Variants in CDC23 observed in about 807,000 individuals in gnomAD.
The protein encoded by CDC23 is cell division cycle protein 23 homolog.
In CDC23, 26 loss-of-function variants were observed where a neutral mutation model predicts 81.7. That is an observed-to-expected ratio of 0.32 (90% CI 0.23 to 0.44). CDC23 has a LOEUF of 0.44. CDC23 is among the 20% of genes least tolerant of loss of function. CDC23 has a pLI of 1.00. For synonymous variants in CDC23, 267 were observed against 270.8 expected, an observed-to-expected ratio of 0.99 and a Z score of 0.14; for missense variants, 519 against 728.0, an observed-to-expected ratio of 0.71 and a Z score of 3.30.
chr5:138,213,323 C>G lies in CDC23; in HGVS notation c.-11G>C, dbSNP rs767731996. ...GGTACTCGCAGCCATTTTCCCGACT[C>G]GGGCCACTCCAGCCAATCATCGGCG... On this transcript the variant is annotated 5_prime_UTR_variant, in exon 1 of 16. Coordinates refer to ENST00000394886, the MANE Select transcript of CDC23 (RefSeq NM_004661.4). 4.3e-6 allele frequency: 7 copies of G among 1,612,404 alleles called. No individual in the cohort carries two copies. The highest frequency in any genetic ancestry group is 5.1e-6 in the Non-Finnish European group (6 of 1,179,048).
chr5:138,203,749 T>C (rs1372981590), intron 3 of CDC23, among the ~76,000 whole-genome samples: 2 of 151,700 alleles, frequency 1.3e-5, no homozygotes, highest in Non-Finnish European at 2.9e-5. Context: ...CCGTCCCTAC[T>C]AAAAAATACA....
intron 15 of CDC23, 92 bp from the exon 16 acceptor site, chr5:138,189,240 C>A: frequency 1.7e-6 from 2 of 1,203,194 alleles, no homozygotes; most frequent in Non-Finnish European, 2.4e-6. Flanking sequence ...TTCCACAGAT[C>A]AAGGAGGCGG....
At chr5:138,204,617 ACT>A in intron 3 of CDC23, among the ~76,000 whole-genome samples, 1 of 131,974 alleles carries the variant, frequency 7.6e-6, no homozygotes, top group Middle Eastern at 3.7e-3. Flanking sequence ...AAACATTCAG[ACT>A]CTCTTTTTTC....
At position 138,188,497 on chromosome 5, in the gene CDC23, T is replaced by C. The variant is rs1303209693; in HGVS notation, c.*481A>G. 6.5e-6 allele frequency: 1 copy of C among 152,780 alleles called. No homozygotes were observed. Among genetic ancestry groups the C allele is most frequent in the East Asian group, 1.9e-4 (1 of 5,210 alleles). The allele number at this position is 152,780 out of a possible 1,614,324, so 9.5% of individuals were successfully genotyped here. The stretch of plus-strand genomic sequence containing the variant: ...TTAAACCTAATCTCTGACATCAGAA[T>C]AGGGATCATGCTCAGCAAATCCAAG... On this transcript the variant is annotated 3_prime_UTR_variant, in exon 16 of 16. Transcript: ENST00000394886.
At chr5:138,212,457 T>C (rs887094982) in intron 2 of CDC23, among the ~76,000 whole-genome samples, 1 of 152,170 alleles carries the variant, frequency 6.6e-6, no homozygotes, top group African/African-American at 2.4e-5. Flanking sequence ...TAACTGGGAT[T>C]ACAGGCGCGC....
Position 138,197,498 on chromosome 5 carries a change from T to TA in CDC23, c.1012+700_1012+701insT, listed in dbSNP as rs200383938. Reference sequence around the variant, plus strand: ...ACGTAACATGTAATACATATTTATTTTTTTTTTTTTTTTTTTGAGACGGAG... The same window carrying TA: ...ACGTAACATGTAATACATATTTATTTATTTTTTTTTTTTTTTTGAGACGGAG... On this transcript the variant is annotated intron_variant, in intron 9 of 15. Transcript: ENST00000394886. 4.2e-3 allele frequency among the ~76,000 whole-genome samples: 601 copies of TA among 144,624 alleles called. 12 individuals are homozygous for TA. The highest frequency in any genetic ancestry group is 6.8e-3 in the East Asian group (34 of 5,026). 94.9% of individuals were successfully genotyped at this position (144,624 alleles called of 152,430 possible).
intron 9 of CDC23, among the ~76,000 whole-genome samples, chr5:138,195,584 A>G (rs1430373377): frequency 5.1e-5 from 3 of 58,558 alleles, no homozygotes; most frequent in African/African-American, 1.3e-4. Context: ...ATAATATATT[A>G]TATATAATAT....
At chr5:138,210,823 T>C (rs1755104707) in intron 2 of CDC23, among the ~76,000 whole-genome samples, 1 of 152,222 alleles carries the variant, frequency 6.6e-6, no homozygotes, top group East Asian at 1.9e-4. Context: ...GAGAGGGTGA[T>C]ATTTACTGAG....
chr5:138,190,948 A>G lies in CDC23; in HGVS notation c.1424+526T>C, dbSNP rs182240271. ...GACAGGAACCTCTTTACATTTAAGA[A>G]CCTCTTTGCCTACTATTTGAGTTAT... On this transcript the variant is annotated intron_variant, in intron 13 of 15. Coordinates refer to ENST00000394886, the MANE Select transcript of CDC23 (RefSeq NM_004661.4). Among the ~76,000 whole-genome samples the G allele has an allele frequency of 2.8e-3, 432 of 152,158 alleles. 1 individual carries two copies. The highest frequency in any genetic ancestry group is 4.8e-3 in the Non-Finnish European group (329 of 67,974).
At position 138,191,906 on chromosome 5, in the gene CDC23, C is replaced by T; in HGVS notation, c.1318G>A (p.Gly440Arg). 6.2e-7 allele frequency: 1 copy of T among 1,614,134 alleles called. No homozygotes were observed. The change falls in exon 12 of 16, where the codon GGA becomes AGA. Residue 440 changes from glycine (G) to arginine (R), a missense_variant. Physicochemically the swap from Gly to Arg is moderately radical, Grantham distance 125. Transcript: ENST00000394886. ...PNDSRMLVAL[G>R]ECYEKLNQLV... ...TGATTGAGTTTCTCGTAACATTCTC[C>T]TAAAGCAACCAGCATGCGAGAATCA...
rs17228533 is a variant in CDC23, at chr5:138,191,207, C to T, written c.1424+267G>A. Among the ~76,000 whole-genome samples, 86 of 152,192 alleles carry T rather than the reference C, an allele frequency of 5.7e-4. 1 individual carries two copies. Among genetic ancestry groups the T allele is most frequent in the African/African-American group, 2.0e-3 (81 of 41,508 alleles). ...CTCGGCTCACTGCAACCTCCACCTCCCAGGTCTTGAACTCCTGACCTCAGG... is the reference window on the plus strand; with the variant it reads ...CTCGGCTCACTGCAACCTCCACCTCTCAGGTCTTGAACTCCTGACCTCAGG... On this transcript the variant is annotated intron_variant, in intron 13 of 15. Transcript: ENST00000394886.
intron 3 of CDC23, 28 bp from the exon 4 acceptor site, chr5:138,202,183 T>C (rs775549242): frequency 6.4e-7 from 1 of 1,569,474 alleles, no homozygotes. Flanking sequence ...CAAATAGGTC[T>C]TTTTTCAGTT....
At chr5:138,212,380 G>A (rs915099014) in intron 2 of CDC23, among the ~76,000 whole-genome samples, 3 of 152,094 alleles carry the variant, frequency 2.0e-5, no homozygotes, top group African/African-American at 7.2e-5. Context: ...GTGCAATGGC[G>A]CGATCTCAGC....
Position 138,213,005 on chromosome 5 carries a change from G to A in CDC23, c.220C>T (p.Pro74Ser). ...CATGTCCTTACCTCTGTAATAGGCG[G>A]AGGCGGTTGCAGCTCGGCCAGAGGC... is the stretch of plus-strand genomic sequence containing the variant. The part of the protein sequence containing the change: ...ALPLAELQPP[P>S]PITEEDAQDM... The change falls in exon 2 of 16, where the codon CCG (proline) becomes TCG (serine). Residue 74 changes from proline to serine, a missense_variant. Around this residue, in one of 4 missense-constraint regions of CDC23, gnomAD observed 126 missense variants for 116.2 expected, o/e 1.08. Coordinates refer to ENST00000394886, the MANE Select transcript of CDC23 (RefSeq NM_004661.4). 2 of 1,613,848 alleles carry A rather than the reference G, an allele frequency of 1.2e-6. No homozygotes were observed. Among genetic ancestry groups the A allele is most frequent in the Non-Finnish European group, 8.5e-7 (1 of 1,179,876 alleles).
At chr5:138,192,118 A>G (rs1349589132) in intron 11 of CDC23, 151 bp downstream of exon 11, 1 of 1,023,652 alleles carries the variant, frequency 9.8e-7, no homozygotes, top group African/African-American at 1.6e-5. Flanking sequence ...AATATACTAA[A>G]TGAAAATAAC....
At chr5:138,212,901 G>T in intron 2 of CDC23, 90 bp downstream of exon 2, 1 of 1,010,246 alleles carries the variant, frequency 9.9e-7, no homozygotes, top group Admixed American at 1.8e-5. Context: ...CTGCTAAGCA[G>T]TTTGCTCTCC....
At chr5:138,208,090 C>A (rs1455993676) in intron 2 of CDC23, among the ~76,000 whole-genome samples, 3 of 151,886 alleles carry the variant, frequency 2.0e-5, no homozygotes, top group Non-Finnish European at 4.4e-5. Context: ...GCCTCCCTAG[C>A]AGCTGGGATT....
At chr5:138,195,808 T>C (rs1754897925) in intron 9 of CDC23, among the ~76,000 whole-genome samples, 1 of 129,484 alleles carries the variant, frequency 7.7e-6, no homozygotes, top group East Asian at 2.0e-4. Context: ...TGTGTATATA[T>C]ATACATATAT....
intron 13 of CDC23, 82 bp downstream of exon 13, chr5:138,191,392 T>C: frequency 8.9e-7 from 1 of 1,124,514 alleles, no homozygotes; most frequent in Non-Finnish European, 1.4e-6. Context: ...GATGGGTGTA[T>C]GGGAGGCTCT....
Sources: allele counts gnomAD v4.1 joint callset (sites outside exome capture counted in the v4.1 genomes callset), GRCh38; gene constraint gnomAD v4.1.1; regional missense constraint gnomAD v4.1.1; transcripts MANE v1.5; gene names NCBI Gene and HGNC (gene_info 2026-07-23, HGNC 2026-07-21).